SIPA1L1: variants seen among roughly 807,000 people sequenced by gnomAD.
The protein encoded by SIPA1L1 is signal induced proliferation associated 1 like 1.
Under a neutral mutation model 162.7 loss-of-function variants are expected in SIPA1L1, and 26 were observed. The ratio of observed to expected loss-of-function variants is 0.16; its 90% CI spans 0.12 to 0.22. The LOEUF (loss-of-function observed/expected upper bound fraction) is 0.22. SIPA1L1 is among the 10% of genes least tolerant of loss of function. The pLI is 1.00. For synonymous variants in SIPA1L1, 829 were observed against 837.4 expected, an observed-to-expected ratio of 0.99 and a Z score of 0.17; for missense variants, 1,874 against 2,241.0, an observed-to-expected ratio of 0.84 and a Z score of 3.31.
intron 21 of SIPA1L1, 38 bp downstream of exon 21, chr14:71,733,850 C>G (rs538582484): frequency 6.3e-7 from 1 of 1,599,002 alleles, no homozygotes; most frequent in South Asian, 1.1e-5. Context: ...GCCCAGGATC[C>G]TGCAGCGGAG....
intron 2 of SIPA1L1, among the ~76,000 whole-genome samples, chr14:71,505,041 T>C (rs117904875): frequency 0.011 from 1,658 of 152,372 alleles, 15 homozygotes; most frequent in East Asian, 0.021. Context: ...AGAGCCATTT[T>C]GTAGTTTTCA....
At chr14:71,389,442 A>C (rs570611310) in intron 2 of SIPA1L1, among the ~76,000 whole-genome samples, 1 of 152,272 alleles carries the variant, frequency 6.6e-6, no homozygotes, top group East Asian at 1.9e-4. Flanking sequence ...TGCTCAGAAA[A>C]TCTTTTACTT....
intron 2 of SIPA1L1, among the ~76,000 whole-genome samples, chr14:71,388,790 T>G (rs756468379): frequency 2.6e-4 from 40 of 152,218 alleles, no homozygotes; most frequent in Non-Finnish European, 5.0e-4. Flanking sequence ...TGGCCAGATT[T>G]ATTTGTTTTT....
At chr14:71,361,754 C>T (rs1034187407) in intron 2 of SIPA1L1, among the ~76,000 whole-genome samples, 1 of 152,134 alleles carries the variant, frequency 6.6e-6, no homozygotes, top group Admixed American at 6.5e-5. Flanking sequence ...CATGTGGGGT[C>T]CTTACATCAC....
At chr14:71,617,628 C>T (rs371992736) in intron 5 of SIPA1L1, among the ~76,000 whole-genome samples, 23 of 152,176 alleles carry the variant, frequency 1.5e-4, no homozygotes, top group African/African-American at 5.1e-4. Context: ...CTACATGATT[C>T]GATATTTATG....
At chr14:71,548,975 C>A (rs993488540) in intron 4 of SIPA1L1, among the ~76,000 whole-genome samples, 1 of 151,644 alleles carries the variant, frequency 6.6e-6, no homozygotes, top group East Asian at 1.9e-4. Flanking sequence ...AGCAATTAAG[C>A]CTTATCAATT....
intron 3 of SIPA1L1, among the ~76,000 whole-genome samples, chr14:71,525,958 T>G (rs950196858): frequency 9.2e-5 from 14 of 152,196 alleles, no homozygotes; most frequent in African/African-American, 3.4e-4. Flanking sequence ...GCCACTCCTG[T>G]GTACGCTATC....
At chr14:71,375,897 A>G (rs2039328825) in intron 2 of SIPA1L1, among the ~76,000 whole-genome samples, 1 of 152,152 alleles carries the variant, frequency 6.6e-6, no homozygotes, top group African/African-American at 2.4e-5. Context: ...TTAAACCAAA[A>G]ATGCATTATT....
chr14:71,683,698 C>T (rs1442678455), intron 12 of SIPA1L1, among the ~76,000 whole-genome samples: 1 of 151,956 alleles, frequency 6.6e-6, no homozygotes, highest in Admixed American at 6.6e-5. Context: ...AAGTAGTATT[C>T]GTTAATATTA....
At chr14:71,544,009 A>ATATATACACATATGCACATGTATG (rs2054806550) in intron 4 of SIPA1L1, among the ~76,000 whole-genome samples, 1 of 147,664 alleles carries the variant, frequency 6.8e-6, no homozygotes, top group Non-Finnish European at 1.5e-5. Flanking sequence ...ACGCACATGT[A>ATATATACACATATGCACATGTATG]TATATACACA....
rs1035198512 is a variant in SIPA1L1 at position 71,739,933 on chromosome 14, G to A, written c.*772G>A. On this transcript the variant is annotated 3_prime_UTR_variant, in exon 24 of 24. Transcript: ENST00000381232. ...GGCTTAATTGAGCCCCACTAAATTG[G>A]AATCAATCTCTCTTACAGCTTCCTG... The A allele has an allele frequency of 6.6e-6, 1 of 152,132 alleles. No homozygotes were observed. Among genetic ancestry groups the A allele is most frequent in the African/African-American group, 2.4e-5 (1 of 41,432 alleles). The allele number at this position is 152,132 out of a possible 1,614,324, so 9.4% of individuals were successfully genotyped here. A position where few individuals can be genotyped will look rare whatever the true frequency, so the allele number is the denominator to read the frequency against.
intron 2 of SIPA1L1, among the ~76,000 whole-genome samples, chr14:71,361,767 T>C (rs2037837606): frequency 6.6e-6 from 1 of 152,152 alleles, no homozygotes; most frequent in African/African-American, 2.4e-5. Flanking sequence ...TACATCACCA[T>C]TGGAAGCAGC....
intron 4 of SIPA1L1, among the ~76,000 whole-genome samples, chr14:71,553,330 T>G (rs2146316506): frequency 6.6e-6 from 1 of 152,310 alleles, no homozygotes; most frequent in South Asian, 2.1e-4. Context: ...CCTAAAATAT[T>G]CTGGGGGAAT....
At position 71,671,471 on chromosome 14, in the gene SIPA1L1, A is replaced by G. The variant is rs1186026517; in HGVS notation, c.2608A>G (p.Lys870Glu). Reference sequence around the variant, plus strand: ...GGCAGTCCGGGCTGAAGACTACAACAAGGCCATGGAACTAGACTGCCTTTT... The same window carrying G: ...GGCAGTCCGGGCTGAAGACTACAACGAGGCCATGGAACTAGACTGCCTTTT... ...VWAVRAEDYNKAMELDCLLGI... is the reference protein window; with the variant it reads ...VWAVRAEDYNEAMELDCLLGI... The change falls in exon 11 of 24, where the codon AAG becomes GAG. Residue 870 changes from lysine to glutamate, a missense_variant. By Grantham distance (56) the Lys-to-Glu change is moderately conservative (BLOSUM62 1). Around this residue, in one of 5 missense-constraint regions of SIPA1L1, gnomAD observed 243 missense variants for 315.0 expected, o/e 0.77. Transcript: ENST00000381232. The G allele has an allele frequency of 1.2e-6, 2 of 1,614,120 alleles. No individual in the cohort carries two copies. The highest frequency in any genetic ancestry group is 1.3e-5 in the African/African-American group (1 of 75,038).
At chr14:71,720,222 T>C (rs2083597782) in intron 17 of SIPA1L1, among the ~76,000 whole-genome samples, 1 of 152,210 alleles carries the variant, frequency 6.6e-6, no homozygotes, top group South Asian at 2.1e-4. Flanking sequence ...TTCTTTTGAA[T>C]AAACTTTGTG....
chr14:71,630,359 C>T (rs2040445581), intron 7 of SIPA1L1, among the ~76,000 whole-genome samples: 1 of 152,162 alleles, frequency 6.6e-6, no homozygotes, highest in South Asian at 2.1e-4. Flanking sequence ...GATTGGATGA[C>T]AGGATAGAGT....
chr14:71,434,819 G>C (rs2044252764), intron 2 of SIPA1L1, among the ~76,000 whole-genome samples: 1 of 152,164 alleles, frequency 6.6e-6, no homozygotes, highest in African/African-American at 2.4e-5. Context: ...GGGTTCAAGT[G>C]ATCCTCCCAC....
chr14:71,622,607 CAAAAT>C (rs1300444616), intron 6 of SIPA1L1, among the ~76,000 whole-genome samples: 1 of 152,012 alleles, frequency 6.6e-6, no homozygotes, highest in Non-Finnish European at 1.5e-5. Context: ...GATTTAAAAA[CAAAAT>C]AAAAACTATT....
intron 4 of SIPA1L1, among the ~76,000 whole-genome samples, chr14:71,569,052 A>G (rs2031389153): frequency 6.6e-6 from 1 of 152,196 alleles, no homozygotes; most frequent in South Asian, 2.1e-4. Context: ...TTTATCGTGT[A>G]GCAGTTTCCA....
Sources: gnomAD v4.1 joint callset for allele counts (sites outside exome capture counted in the v4.1 genomes callset) on GRCh38, gnomAD v4.1.1 for gene constraint, gnomAD v4.1.1 regional missense constraint, MANE v1.5 for transcripts, NCBI Gene and HGNC (gene_info 2026-07-23, HGNC 2026-07-21) for gene names.